The following SMYD3 variants were observed in gnomAD, a reference collection of about 807,000 sequenced individuals.
SMYD3 encodes the protein histone-lysine N-methyltransferase SMYD3.
SMYD3 carries 36 observed loss-of-function variants against 57.7 expected under a neutral mutation model. That is an observed-to-expected ratio of 0.62 (90% CI 0.48 to 0.82). The LOEUF is 0.82. Among genes scored for constraint, SMYD3 ranks in the 40% least tolerant of loss-of-function variants. SMYD3 has a pLI of 0.00. For synonymous variants in SMYD3, 211 were observed against 195.0 expected (o/e 1.08, Z -0.68); for missense variants, 515 against 538.8 (o/e 0.96, Z 0.44).
At chr1:245,915,731 A>C (rs1312405645) in intron 7 of SMYD3, 91 bp from the exon 8 acceptor site, 5 of 828,218 alleles carry the variant, frequency 6.0e-6, no homozygotes, top group Non-Finnish European at 7.4e-6. Flanking sequence ...TATTGGAGTA[A>C]AACTTGTTTT....
At chr1:246,395,743 G>A (rs1275127062) in intron 1 of SMYD3, among the ~76,000 whole-genome samples, 1 of 140,336 alleles carries the variant, frequency 7.1e-6, no homozygotes, top group East Asian at 2.2e-4. Flanking sequence ...CAGGGAAGAC[G>A]AACCCACCAC....
intron 5 of SMYD3, among the ~76,000 whole-genome samples, chr1:245,996,000 T>C (rs1357837921): frequency 6.6e-6 from 1 of 152,186 alleles, no homozygotes; most frequent in East Asian, 1.9e-4. Context: ...GAAATGTTAT[T>C]TTTGGCACAT....
intron 10 of SMYD3, among the ~76,000 whole-genome samples, chr1:245,801,940 G>C (rs1171428734): frequency 1.3e-5 from 2 of 150,948 alleles, no homozygotes; most frequent in African/African-American, 4.9e-5. Flanking sequence ...TTTGAGTAAT[G>C]TCACCAAATC....
At position 246,459,909 on chromosome 1, in the gene SMYD3, T is replaced by C. The variant is rs1426620574; in HGVS notation, c.164+47145A>G. Among the ~76,000 whole-genome samples, 20 of 101,108 alleles carry C rather than the reference T, an allele frequency of 2.0e-4. No individual in the cohort carries two copies. In the South Asian group the frequency reaches 6.2e-3, roughly 32 times the overall value. 66.3% of individuals were successfully genotyped at this position (101,108 alleles called of 152,430 possible). A position where few individuals can be genotyped will look rare whatever the true frequency, so the allele number is the denominator to read the frequency against. ...GTCATTTGGCTGCAGAGGAAACCAT[T>C]CCGCCACCCAAAAAAAAAAAAAAAA... On this transcript the variant is annotated intron_variant, in intron 1 of 11. Transcript: ENST00000490107.
At chr1:245,862,329 AATG>A (rs1485190589) in intron 9 of SMYD3, among the ~76,000 whole-genome samples, 1 of 152,080 alleles carries the variant, frequency 6.6e-6, no homozygotes, top group Non-Finnish European at 1.5e-5. Flanking sequence ...TATACTCTTA[AATG>A]TTGTTAAATT....
intron 5 of SMYD3, among the ~76,000 whole-genome samples, chr1:246,292,804 A>C (rs575292075): frequency 3.3e-5 from 5 of 152,308 alleles, no homozygotes; most frequent in African/African-American, 1.2e-4. Context: ...AGGAACACAA[A>C]GGGCTGAGCA....
intron 1 of SMYD3, among the ~76,000 whole-genome samples, chr1:246,407,411 A>G (rs980564989): frequency 2.6e-4 from 39 of 152,354 alleles, no homozygotes; most frequent in African/African-American, 8.7e-4. Flanking sequence ...TCAGTCTCCA[A>G]TTAGAGCCGC....
chr1:246,227,143 T>A (rs2063342067), intron 5 of SMYD3, among the ~76,000 whole-genome samples: 1 of 152,200 alleles, frequency 6.6e-6, no homozygotes, highest in Admixed American at 6.5e-5. Context: ...TGGTAGACCC[T>A]GAGGTGAAGT....
intron 10 of SMYD3, chr1:245,814,470 A>T: frequency 1.2e-6 from 1 of 852,256 alleles, no homozygotes; most frequent in Non-Finnish European, 1.4e-6. Context: ...ATAAATAAAT[A>T]AAATAAAAAG....
intron 1 of SMYD3, among the ~76,000 whole-genome samples, chr1:246,452,858 CATT>C (rs2067651198): frequency 6.6e-6 from 1 of 152,038 alleles, no homozygotes; most frequent in Admixed American, 6.6e-5. Flanking sequence ...TTACTGGAAA[CATT>C]ACTGAAACAC....
Position 245,979,793 on chromosome 1 carries a change from C to T in SMYD3, c.532-49856G>A, listed in dbSNP as rs577771096. Among the ~76,000 whole-genome samples, 247 of 152,322 alleles carry T rather than the reference C, an allele frequency of 1.6e-3. 2 individuals are homozygous for T. Among genetic ancestry groups the T allele is most frequent in the African/African-American group, 5.5e-3 (227 of 41,572 alleles). ...AACGCAAGATGACCAAACCCAGCCCCGGCAGCTAGATGGTCTCTAATTCCA... is the reference window on the plus strand; with the variant it reads ...AACGCAAGATGACCAAACCCAGCCCTGGCAGCTAGATGGTCTCTAATTCCA... On this transcript the variant is annotated intron_variant, in intron 5 of 11. Coordinates refer to ENST00000490107, the MANE Select transcript of SMYD3 (RefSeq NM_001167740.2).
At chr1:245,759,287 C>T (rs973955636) in intron 11 of SMYD3, among the ~76,000 whole-genome samples, 3 of 152,024 alleles carry the variant, frequency 2.0e-5, no homozygotes, top group African/African-American at 4.8e-5. Context: ...GACATCCTTC[C>T]GCATGCCCTC....
chr1:246,257,899 C>T (rs969948887), intron 5 of SMYD3, among the ~76,000 whole-genome samples: 33 of 152,284 alleles, frequency 2.2e-4, no homozygotes, highest in South Asian at 4.2e-4. Context: ...CCTTGTAAGA[C>T]GGCTGCCCCT....
At chr1:246,372,919 T>G (rs1258215710) in intron 1 of SMYD3, among the ~76,000 whole-genome samples, 7 of 152,206 alleles carry the variant, frequency 4.6e-5, no homozygotes, top group Non-Finnish European at 8.8e-5. Flanking sequence ...GGAAAAATTC[T>G]AAGAGAACTG....
chr1:246,048,123 G>A (rs976916056), intron 5 of SMYD3, among the ~76,000 whole-genome samples: 11 of 152,226 alleles, frequency 7.2e-5, no homozygotes, highest in Admixed American at 3.9e-4. Flanking sequence ...AATAGTACAC[G>A]TGAATCACAA....
intron 1 of SMYD3, among the ~76,000 whole-genome samples, chr1:246,491,535 C>T (rs1434076911): frequency 2.8e-5 from 4 of 140,616 alleles, no homozygotes; most frequent in African/African-American, 1.1e-4. Flanking sequence ...AGCGAAACTT[C>T]GTCTCAAATA....
At position 246,090,926 on chromosome 1, in the gene SMYD3, A is replaced by G. The variant is rs375981270; in HGVS notation, c.532-160989T>C. ...GAAGCCCAGGTACGTACCCCAGACA[A>G]CGTAGCCACTTCATACTGGGAACCT... On this transcript the variant is annotated intron_variant, in intron 5 of 11. Coordinates refer to ENST00000490107, the MANE Select transcript of SMYD3 (RefSeq NM_001167740.2). 2.6e-5 allele frequency among the ~76,000 whole-genome samples: 4 copies of G among 152,264 alleles called. No homozygotes were observed. The East Asian group carries it at 7.7e-4, about 29-fold the overall frequency.
intron 5 of SMYD3, among the ~76,000 whole-genome samples, chr1:245,941,710 A>G (rs2057252908): frequency 6.6e-6 from 1 of 152,214 alleles, no homozygotes; most frequent in East Asian, 1.9e-4. Flanking sequence ...TTTAGTAGAG[A>G]CAGGTTTTCA....
At chr1:246,317,599 T>C (rs1423934351) in intron 5 of SMYD3, among the ~76,000 whole-genome samples, 3 of 152,378 alleles carry the variant, frequency 2.0e-5, no homozygotes, top group East Asian at 1.9e-4. Flanking sequence ...TCACGTATTG[T>C]ACACGGGGCC....
Sources: gnomAD v4.1 joint callset for allele counts (sites outside exome capture counted in the v4.1 genomes callset) on GRCh38, gnomAD v4.1.1 for gene constraint, MANE v1.5 for transcripts, NCBI Gene and HGNC (gene_info 2026-07-23, HGNC 2026-07-21) for gene names.